The following VMP1 variants were observed in gnomAD, a reference collection of about 807,000 sequenced individuals.
The protein encoded by VMP1 is vacuole membrane protein 1.
In VMP1, 11 loss-of-function variants were observed where a neutral mutation model predicts 56.0. That is an observed-to-expected ratio of 0.20 (90% confidence interval 0.12 to 0.32). The LOEUF is 0.32. VMP1 is among the 10% of genes least tolerant of loss of function. VMP1 has a pLI of 1.00. For missense variants in VMP1, 296 were observed against 490.3 expected (o/e 0.60, Z 3.74); for synonymous variants, 149 against 165.0 (o/e 0.90, Z 0.74).
chr17:59,749,236 C>T (rs1441671654), intron 5 of VMP1, among the ~76,000 whole-genome samples: 2 of 151,634 alleles, frequency 1.3e-5, no homozygotes, highest in African/African-American at 4.8e-5. Context: ...GGATTACGGG[C>T]GTGAGCCACC....
intron 7 of VMP1, among the ~76,000 whole-genome samples, chr17:59,779,132 C>T (rs1310176448): frequency 1.3e-5 from 2 of 152,210 alleles, no homozygotes; most frequent in African/African-American, 2.4e-5. Flanking sequence ...GGTTAAGACA[C>T]GTCACCCGTT....
At chr17:59,838,202 G>T in intron 10 of VMP1, 93 bp from the exon 11 acceptor site, 3 of 815,902 alleles carry the variant, frequency 3.7e-6, no homozygotes, top group Non-Finnish European at 3.7e-6. Context: ...CCTGCCTTTT[G>T]AGTCCAGGTG....
intron 5 of VMP1, among the ~76,000 whole-genome samples, chr17:59,760,725 A>G (rs777072779): frequency 7.2e-5 from 11 of 152,090 alleles, no homozygotes; most frequent in Non-Finnish European, 1.5e-4. Flanking sequence ...GATTCAAGCC[A>G]TTCCCCTGCC....
At chr17:59,811,497 C>T (rs1254793940) in intron 8 of VMP1, among the ~76,000 whole-genome samples, 173 bp from the exon 9 acceptor site, 3 of 152,306 alleles carry the variant, frequency 2.0e-5, no homozygotes, top group South Asian at 4.1e-4. Flanking sequence ...AGCTTCTAGA[C>T]ACATTAGGAT....
At chr17:59,760,721 A>G (rs1379941205) in intron 5 of VMP1, among the ~76,000 whole-genome samples, 1 of 152,126 alleles carries the variant, frequency 6.6e-6, no homozygotes, top group Non-Finnish European at 1.5e-5. Flanking sequence ...CCCGGATTCA[A>G]GCCATTCCCC....
chr17:59,803,388 G>A lies in VMP1; in HGVS notation c.715-5408G>A, dbSNP rs751531707. On this transcript the variant is annotated intron_variant, in intron 7 of 11. Coordinates refer to ENST00000262291, the MANE Select transcript of VMP1 (RefSeq NM_030938.5). ...TAGTGCTTGGGAAAATGTTTCTTGC[G>A]TCTCCTGTTTCAGAAGCGTGATTGG... is the stretch of plus-strand genomic sequence containing the variant. Among the ~76,000 whole-genome samples, 51 of 152,044 alleles carry A rather than the reference G, an allele frequency of 3.4e-4. 1 individual carries two copies. Among genetic ancestry groups the A allele is most frequent in the Non-Finnish European group, 5.9e-4 (40 of 68,004 alleles).
chr17:59,765,249 C>T (rs1288413354), intron 6 of VMP1, 111 bp downstream of exon 6: 2 of 1,234,668 alleles, frequency 1.6e-6, no homozygotes, highest in Non-Finnish European at 2.2e-6. Flanking sequence ...ATGATTCAGT[C>T]AGTAACCAGC....
In VMP1 at chr17:59,782,002, G is replaced by A. The variant is rs1185850816; in HGVS notation, c.714+8117G>A. On this transcript the variant is annotated intron_variant, in intron 7 of 11. Coordinates refer to ENST00000262291, the MANE Select transcript of VMP1 (RefSeq NM_030938.5). ...TGGCTCACTGCAACCTCTGCCTCCC[G>A]GGTTCAAGTGGTTCTCCTAACTCAG... is the stretch of plus-strand genomic sequence containing the variant. 3.3e-5 allele frequency among the ~76,000 whole-genome samples: 5 copies of A among 151,984 alleles called. No individual in the cohort carries two copies. The East Asian group carries it at 5.8e-4, about 18-fold the overall frequency.
intron 7 of VMP1, among the ~76,000 whole-genome samples, chr17:59,797,371 C>CT (rs1406994602): frequency 6.7e-6 from 1 of 150,312 alleles, no homozygotes; most frequent in Admixed American, 6.6e-5. Flanking sequence ...AAGAAAAAGA[C>CT]TTTTTAAATA....
intron 10 of VMP1, among the ~76,000 whole-genome samples, chr17:59,819,064 G>A (rs1486550395): frequency 6.6e-6 from 1 of 152,024 alleles, no homozygotes; most frequent in Non-Finnish European, 1.5e-5. Flanking sequence ...ATATTTGCTA[G>A]TTCAGCTTTA....
chr17:59,799,874 A>G (rs2037577059), intron 7 of VMP1, among the ~76,000 whole-genome samples: 1 of 151,472 alleles, frequency 6.6e-6, no homozygotes. Context: ...GAGGCAGGAG[A>G]ATCACTTGAA....
intron 7 of VMP1, among the ~76,000 whole-genome samples, chr17:59,807,082 A>G (rs1474741695): frequency 6.6e-6 from 1 of 152,070 alleles, no homozygotes; most frequent in Non-Finnish European, 1.5e-5. Flanking sequence ...GTAAGTGGGG[A>G]TACACAGATT....
Position 59,738,857 on chromosome 17 carries a change from A to T in VMP1, c.324A>T (p.Lys108Asn). Reference protein sequence around the residue: ...VHQQYVQRIEKQFLLYAYWIG... With the variant: ...VHQQYVQRIENQFLLYAYWIG... ...TTCAGTATGTGCAACGTATAGAGAA[A>T]CAGTTTCTTTTGTATGCCTACTGGA... is the stretch of plus-strand genomic sequence containing the variant. Residue 108 changes from lysine to asparagine, a missense_variant, in exon 5 of 12, where the codon AAA becomes AAT. This residue lies in a region of VMP1 where 126 missense variants were observed against 231.6 expected (regional missense o/e 0.54). Transcript: ENST00000262291. 6.2e-7 allele frequency: 1 copy of T among 1,612,762 alleles called. No homozygotes were observed. Among genetic ancestry groups the T allele is most frequent in the Non-Finnish European group, 8.5e-7 (1 of 1,179,522 alleles).
At chr17:59,763,041 C>T (rs2036113332) in intron 5 of VMP1, among the ~76,000 whole-genome samples, 1 of 152,194 alleles carries the variant, frequency 6.6e-6, no homozygotes, top group East Asian at 1.9e-4. Context: ...AGGACAGTAA[C>T]ATGGGGACAG....
chr17:59,781,596 C>A (rs1288504952), intron 7 of VMP1, among the ~76,000 whole-genome samples: 1 of 152,022 alleles, frequency 6.6e-6, no homozygotes, highest in East Asian at 1.9e-4. Context: ...AGAGTGAAAT[C>A]ATATTGTTTG....
chr17:59,756,596 A>C (rs2035850625), intron 5 of VMP1, among the ~76,000 whole-genome samples: 1 of 152,230 alleles, frequency 6.6e-6, no homozygotes, highest in Admixed American at 6.5e-5. Flanking sequence ...GTCTTTAGGA[A>C]TGTTTTATCA....
At chr17:59,781,314 T>C (rs945348752) in intron 7 of VMP1, among the ~76,000 whole-genome samples, 4 of 152,276 alleles carry the variant, frequency 2.6e-5, no homozygotes, top group South Asian at 4.1e-4. Context: ...ATTCCAAAAG[T>C]ATTATAAAGT....
At chr17:59,747,327 G>A (rs1438014698) in intron 5 of VMP1, among the ~76,000 whole-genome samples, 2 of 152,092 alleles carry the variant, frequency 1.3e-5, no homozygotes, top group East Asian at 3.8e-4. Flanking sequence ...GGAGAGGGAG[G>A]CAGGGGGATC....
At chr17:59,786,404 A>G (rs1032103569) in intron 7 of VMP1, among the ~76,000 whole-genome samples, 1 of 152,228 alleles carries the variant, frequency 6.6e-6, no homozygotes, top group African/African-American at 2.4e-5. Flanking sequence ...TGCCTACACC[A>G]TGTCAATGCC....
Sources: gnomAD v4.1 joint callset for allele counts (sites outside exome capture counted in the v4.1 genomes callset) on GRCh38, gnomAD v4.1.1 for gene constraint, gnomAD v4.1.1 regional missense constraint, MANE v1.5 for transcripts, NCBI Gene and HGNC (gene_info 2026-07-23, HGNC 2026-07-21) for gene names.